The following INTS9 variants were observed in gnomAD, a reference collection of about 807,000 sequenced individuals.
INTS9 encodes integrator complex subunit 9.
A neutral mutation model predicts 79.7 loss-of-function variants in INTS9; 55 were observed. That is an observed-to-expected ratio of 0.69 (90% CI 0.56 to 0.86). The LOEUF is 0.86. Ranked by LOEUF, INTS9 falls within the 40% of genes least tolerant of loss-of-function variation. The pLI, the probability that INTS9 is intolerant of heterozygous loss-of-function variation, is 0.00. For missense variants in INTS9, 721 were observed against 831.5 expected, an observed-to-expected ratio of 0.87 and a Z score of 1.64; for synonymous variants, 319 against 325.2, an observed-to-expected ratio of 0.98 and a Z score of 0.20.
chr8:28,831,928 C>A (rs1367917174), intron 6 of INTS9, among the ~76,000 whole-genome samples: 2 of 152,078 alleles, frequency 1.3e-5, no homozygotes, highest in Non-Finnish European at 2.9e-5. Context: ...TGGTCTTGAA[C>A]TCCTGACCTC....
chr8:28,823,135 T>C (rs904801810), intron 6 of INTS9, among the ~76,000 whole-genome samples: 1 of 152,158 alleles, frequency 6.6e-6, no homozygotes. Context: ...AGAATACCTA[T>C]GGAGACTGAA....
intron 6 of INTS9, among the ~76,000 whole-genome samples, chr8:28,817,475 C>T (rs1217810467): frequency 6.6e-5 from 10 of 152,146 alleles, no homozygotes; most frequent in Middle Eastern, 3.4e-3. Flanking sequence ...AGATATGTGG[C>T]GTTATTTCTG....
intron 1 of INTS9, among the ~76,000 whole-genome samples, chr8:28,884,326 G>A (rs1810066804): frequency 6.6e-6 from 1 of 151,528 alleles, no homozygotes; most frequent in Admixed American, 6.6e-5. Context: ...TGGGACTACG[G>A]GCACAAGACA....
chr8:28,873,469 A>C (rs1809200061), intron 1 of INTS9, among the ~76,000 whole-genome samples: 1 of 152,242 alleles, frequency 6.6e-6, no homozygotes, highest in Admixed American at 6.5e-5. Flanking sequence ...AGCCAGACAC[A>C]AATGAGACAT....
chr8:28,771,995 G>C (rs1168543179), intron 14 of INTS9, among the ~76,000 whole-genome samples: 1 of 152,116 alleles, frequency 6.6e-6, no homozygotes, highest in African/African-American at 2.4e-5. Flanking sequence ...CCAGTAGCTG[G>C]GACTACAGGC....
intron 6 of INTS9, among the ~76,000 whole-genome samples, chr8:28,833,851 GA>G (rs1048343110): frequency 7.2e-5 from 11 of 152,030 alleles, no homozygotes; most frequent in African/African-American, 2.7e-4. Context: ...AGAGATCATG[GA>G]AGTGGAATCA....
intron 4 of INTS9, among the ~76,000 whole-genome samples, chr8:28,844,752 G>T (rs1046104440): frequency 5.3e-5 from 8 of 152,052 alleles, no homozygotes; most frequent in Admixed American, 1.3e-4. Context: ...GGAGGCTGAG[G>T]TTGCAATGAG....
Position 28,777,829 on chromosome 8 carries a change from C to T in INTS9, c.1395G>A (p.Gln465=), listed in dbSNP as rs373909305. 13 of 1,603,010 alleles carry T rather than the reference C, an allele frequency of 8.1e-6. No individual in the cohort carries two copies. Among genetic ancestry groups the T allele is most frequent in the African/African-American group, 4.0e-5 (3 of 74,220 alleles). Residue 465 remains glutamine (Q), a splice_region_variant and synonymous_variant, in exon 13 of 17, where the codon CAG becomes CAA. Coordinates refer to ENST00000521022, the MANE Select transcript of INTS9 (RefSeq NM_018250.4). ...IQVSKLLKEV[Q]PLHVVCPEQY... Reference sequence around the variant, plus strand: ...AGGCACAAGCAGTGTCCTTCATTACCTGCACTTCTTTAAGCAGCTTTGACA... The same window carrying T: ...AGGCACAAGCAGTGTCCTTCATTACTTGCACTTCTTTAAGCAGCTTTGACA...
intron 12 of INTS9, 130 bp from the exon 13 acceptor site, chr8:28,778,083 G>C (rs1803003237): frequency 9.8e-7 from 1 of 1,018,760 alleles, no homozygotes; most frequent in East Asian, 3.1e-5. Context: ...GCACACGTGG[G>C]GGACGGAGGT....
chr8:28,805,389 C>A (rs1160686709), intron 8 of INTS9, among the ~76,000 whole-genome samples: 1 of 152,162 alleles, frequency 6.6e-6, no homozygotes, highest in African/African-American at 2.4e-5. Context: ...AATTCAAGGC[C>A]TCACAGGCTT....
Position 28,768,017 on chromosome 8 carries a change from C to T in INTS9, c.*129G>A, listed in dbSNP as rs952167904. On this transcript the variant is annotated 3_prime_UTR_variant, in exon 17 of 17. Transcript: ENST00000521022. ...AGACCATTTCCCTCAAGAGCCACCT[C>T]TTCACTCCTTAAGCCAGAGGACACC... 1.1e-4 allele frequency: 94 copies of T among 824,784 alleles called. No homozygotes were observed. Among genetic ancestry groups the T allele is most frequent in the Middle Eastern group, 6.7e-4 (2 of 3,002 alleles). The allele number at this position is 824,784 out of a possible 1,614,324, so 51.1% of individuals were successfully genotyped here. A position where few individuals can be genotyped will look rare whatever the true frequency, so the allele number is the denominator to read the frequency against.
Position 28,777,859 on chromosome 8 carries a change from G to A in INTS9, c.1365C>T (p.Ile455=), listed in dbSNP as rs903370078. 1 of 1,612,156 alleles carries A rather than the reference G, an allele frequency of 6.2e-7. No homozygotes were observed. Among genetic ancestry groups the A allele is most frequent in the African/African-American group, 1.3e-5 (1 of 74,920 alleles). Residue 455 remains isoleucine, a synonymous_variant, in exon 13 of 17, where the codon ATC becomes ATT. Coordinates refer to ENST00000521022, the MANE Select transcript of INTS9 (RefSeq NM_018250.4). ...YCPIDTRLNF[I]QVSKLLKEVQ... ...CTTCTTTAAGCAGCTTTGACACCTGGATGAAGTTCAGCCGGGTGTCGATGG... is the reference window on the plus strand; with the variant it reads ...CTTCTTTAAGCAGCTTTGACACCTGAATGAAGTTCAGCCGGGTGTCGATGG...
chr8:28,837,487 A>C, intron 5 of INTS9, 150 bp downstream of exon 5: 1 of 738,870 alleles, frequency 1.4e-6, no homozygotes, highest in Non-Finnish European at 2.1e-6. Flanking sequence ...AACATTCCTC[A>C]TCTAGAGAGT....
intron 1 of INTS9, chr8:28,862,380 A>G (rs1013889638): frequency 7.9e-6 from 2 of 253,470 alleles, no homozygotes; most frequent in Admixed American, 6.5e-5. Flanking sequence ...TGTTTTCCTC[A>G]TGTTACATGA....
intron 4 of INTS9, among the ~76,000 whole-genome samples, chr8:28,844,109 G>A (rs900516021): frequency 6.6e-6 from 1 of 152,182 alleles, no homozygotes; most frequent in South Asian, 2.1e-4. Flanking sequence ...AGCAACAGGA[G>A]GTGGCTATGA....
intron 9 of INTS9, 55 bp from the exon 10 acceptor site, chr8:28,794,042 T>C: frequency 1.1e-6 from 1 of 922,440 alleles, no homozygotes; most frequent in East Asian, 8.8e-5. Context: ...GGCAGTGTTA[T>C]AAAGATAAAC....
intron 3 of INTS9, among the ~76,000 whole-genome samples, chr8:28,848,292 C>A (rs924093851): frequency 3.9e-5 from 6 of 152,150 alleles, no homozygotes; most frequent in African/African-American, 1.4e-4. Flanking sequence ...ATATATTGTA[C>A]ATATCCATAT....
intron 13 of INTS9, among the ~76,000 whole-genome samples, chr8:28,776,465 CTT>C (rs1802896869): frequency 7.2e-6 from 1 of 138,122 alleles, no homozygotes; most frequent in South Asian, 2.3e-4. Flanking sequence ...CAAAATGTCT[CTT>C]TTTGTTATCT....
At chr8:28,835,831 A>G (rs1457048540) in intron 5 of INTS9, among the ~76,000 whole-genome samples, 1 of 151,468 alleles carries the variant, frequency 6.6e-6, no homozygotes, top group East Asian at 1.9e-4. Context: ...TTTTTGAGAC[A>G]GAGTTTCGTT....
Sources: allele counts gnomAD v4.1 joint callset (sites outside exome capture counted in the v4.1 genomes callset), GRCh38; gene constraint gnomAD v4.1.1; transcripts MANE v1.5; gene names NCBI Gene and HGNC (gene_info 2026-07-23, HGNC 2026-07-21).